Variants in ACAP2 observed in about 807,000 individuals in gnomAD.
The protein encoded by ACAP2 is ArfGAP with coiled-coil, ankyrin repeat and PH domains 2.
ACAP2 carries 39 observed loss-of-function variants against 115.8 expected under a neutral mutation model. That is an observed-to-expected ratio of 0.34 (90% CI 0.26 to 0.44). The LOEUF (loss-of-function observed/expected upper bound fraction) is 0.44. Ranked by LOEUF, ACAP2 falls within the 20% of genes least tolerant of loss-of-function variation. The probability of loss-of-function intolerance (pLI) is 1.00; values close to 1 mark genes in which losing one functional copy is unlikely to be tolerated. For missense variants in ACAP2, 662 were observed against 927.6 expected, an observed-to-expected ratio of 0.71 and a Z score of 3.72; for synonymous variants, 289 against 315.8, an observed-to-expected ratio of 0.92 and a Z score of 0.90.
At chr3:195,421,962 T>C (rs972429821) in intron 1 of ACAP2, among the ~76,000 whole-genome samples, 2 of 152,178 alleles carry the variant, frequency 1.3e-5, no homozygotes, top group Non-Finnish European at 2.9e-5. Flanking sequence ...GACACTATTA[T>C]ATAAAGAACA....
intron 4 of ACAP2, among the ~76,000 whole-genome samples, chr3:195,363,657 T>G (rs531644921): frequency 1.3e-3 from 196 of 151,002 alleles, no homozygotes; most frequent in Non-Finnish European, 2.5e-3. Flanking sequence ...AAAAACAGAA[T>G]AGCCAAAACT....
chr3:195,307,261 T>C lies in ACAP2; in HGVS notation c.972A>G (p.Ile324Met), dbSNP rs762567847. Residue 324 changes from isoleucine to methionine, a missense_variant, in exon 12 of 23, where the codon ATA becomes ATG. This residue lies in a region of ACAP2 where 401 missense variants were observed against 604.4 expected (regional missense o/e 0.66). Coordinates refer to ENST00000326793, the MANE Select transcript of ACAP2 (RefSeq NM_012287.6). ...RLCTVKHCEDIERRFCFEVVS... is the reference protein window; with the variant it reads ...RLCTVKHCEDMERRFCFEVVS... ...CCACCTCAAAGCAGAATCGTCGCTC[T>C]ATGTCTTCACAATGTTTCACTGTGC... 3.7e-6 allele frequency: 6 copies of C among 1,613,494 alleles called. No individual in the cohort carries two copies. The highest frequency in any genetic ancestry group is 5.1e-6 in the Non-Finnish European group (6 of 1,179,654).
At chr3:195,414,784 C>T (rs546046667) in intron 1 of ACAP2, among the ~76,000 whole-genome samples, 1 of 152,160 alleles carries the variant, frequency 6.6e-6, no homozygotes, top group African/African-American at 2.4e-5. Flanking sequence ...TCCAAATATT[C>T]CAGAATCAAA....
intron 4 of ACAP2, among the ~76,000 whole-genome samples, chr3:195,350,649 GAA>G (rs201607071): frequency 1.5e-5 from 2 of 131,766 alleles, no homozygotes; most frequent in African/African-American, 2.7e-5. Context: ...ACTGTCTCAG[GAA>G]AAAAAAAAAA....
intron 4 of ACAP2, among the ~76,000 whole-genome samples, chr3:195,358,787 G>T (rs1732157023): frequency 6.6e-6 from 1 of 152,066 alleles, no homozygotes; most frequent in South Asian, 2.1e-4. Context: ...TATTCGAAAG[G>T]ATAGTAACAG....
intron 22 of ACAP2, chr3:195,280,740 T>C (rs771679115): frequency 8.5e-5 from 13 of 152,168 alleles, no homozygotes; most frequent in Non-Finnish European, 1.3e-4. Context: ...TACAGATCAA[T>C]CCCTCAGACG....
chr3:195,427,026 T>C (rs940836853), intron 1 of ACAP2, among the ~76,000 whole-genome samples: 1 of 151,048 alleles, frequency 6.6e-6, no homozygotes, highest in Non-Finnish European at 1.5e-5. Context: ...GTTGCTATCA[T>C]CTGACCTTGA....
At chr3:195,298,250 CTCTTT>C (rs1056795845) in intron 15 of ACAP2, among the ~76,000 whole-genome samples, 7 of 119,226 alleles carry the variant, frequency 5.9e-5, no homozygotes, top group Admixed American at 9.1e-5. Flanking sequence ...CCTTTCTCTC[CTCTTT>C]TTTTTTTTTT....
At chr3:195,430,689 TG>T (rs1409562202) in intron 1 of ACAP2, among the ~76,000 whole-genome samples, 1 of 151,786 alleles carries the variant, frequency 6.6e-6, no homozygotes, top group Admixed American at 6.6e-5. Context: ...CACTCCACCC[TG>T]GGTGACAGAG....
At chr3:195,323,132 A>G (rs759925683) in intron 9 of ACAP2, among the ~76,000 whole-genome samples, 11 of 152,198 alleles carry the variant, frequency 7.2e-5, no homozygotes, top group Non-Finnish European at 1.5e-4. Flanking sequence ...AAGGCTGGTC[A>G]AAGGGGAATC....
chr3:195,429,976 T>C (rs1714992251), intron 1 of ACAP2, among the ~76,000 whole-genome samples: 1 of 152,204 alleles, frequency 6.6e-6, no homozygotes, highest in South Asian at 2.1e-4. Context: ...GGGTCATTAA[T>C]ATTATTCTGT....
intron 2 of ACAP2, among the ~76,000 whole-genome samples, chr3:195,389,991 T>C (rs62288365): frequency 0.28 from 42,061 of 151,880 alleles, 6,577 homozygotes; most frequent in East Asian, 0.72. Flanking sequence ...AGCACAGGAG[T>C]TCGAGACCAG....
chr3:195,374,800 C>A (rs184927588), intron 4 of ACAP2, among the ~76,000 whole-genome samples: 1 of 151,946 alleles, frequency 6.6e-6, no homozygotes, highest in African/African-American at 2.4e-5. Flanking sequence ...CTACAAGCTC[C>A]GCCTCCCGGG....
chr3:195,284,253 G>T (rs1440685600), intron 22 of ACAP2, among the ~76,000 whole-genome samples: 1 of 152,124 alleles, frequency 6.6e-6, no homozygotes, highest in Admixed American at 6.5e-5. Context: ...CAAATATCAG[G>T]TCATATTCTT....
At chr3:195,338,345 A>G (rs1434862702) in intron 6 of ACAP2, among the ~76,000 whole-genome samples, 1 of 152,154 alleles carries the variant, frequency 6.6e-6, no homozygotes, top group African/African-American at 2.4e-5. Flanking sequence ...GCCGGAGTGC[A>G]GTGGCATGAT....
chr3:195,404,301 A>G (rs1240410599), intron 1 of ACAP2, among the ~76,000 whole-genome samples: 1 of 152,242 alleles, frequency 6.6e-6, no homozygotes, highest in Non-Finnish European at 1.5e-5. Context: ...AAGAATTAAC[A>G]TCAGGTTTAA....
intron 8 of ACAP2, among the ~76,000 whole-genome samples, chr3:195,327,911 ACAGTGCAAGACTC>A (rs771758072): frequency 6.6e-6 from 1 of 152,060 alleles, no homozygotes; most frequent in African/African-American, 2.4e-5. Flanking sequence ...AGCCAGGGTG[ACAGTGCAAGACTC>A]CATCAGCCCT....
rs371917874 is a variant in ACAP2, at chr3:195,407,036, G to A, written c.54-14889C>T. On this transcript the variant is annotated intron_variant, in intron 1 of 22. Coordinates refer to ENST00000326793, the MANE Select transcript of ACAP2 (RefSeq NM_012287.6). ...GACCCACCTTATAAAAGGATCCTAT[G>A]AGAGAGAGAGGAAGGAAGGCAGACA... Among the ~76,000 whole-genome samples, 9 of 151,856 alleles carry A rather than the reference G, an allele frequency of 5.9e-5. No individual in the cohort carries two copies. In the East Asian group the frequency reaches 1.3e-3, roughly 23 times the overall value.
chr3:195,343,168 A>G (rs948456906), intron 5 of ACAP2, among the ~76,000 whole-genome samples: 1 of 152,208 alleles, frequency 6.6e-6, no homozygotes, highest in Non-Finnish European at 1.5e-5. Flanking sequence ...TTAAATCTAC[A>G]TAACTTGAGA....
Sources: allele counts gnomAD v4.1 joint callset (sites outside exome capture counted in the v4.1 genomes callset), GRCh38; gene constraint gnomAD v4.1.1; regional missense constraint gnomAD v4.1.1; transcripts MANE v1.5; gene names NCBI Gene and HGNC (gene_info 2026-07-23, HGNC 2026-07-21).